The following SCD5 variants were observed in gnomAD, a reference collection of about 807,000 sequenced individuals.
SCD5 encodes acyl-CoA-desaturase 4.
A neutral mutation model predicts 30.4 loss-of-function variants in SCD5; 20 were observed. The observed-to-expected ratio is 0.66, with a 90% CI of 0.46 to 0.96. The LOEUF (loss-of-function observed/expected upper bound fraction) is 0.96. SCD5 is among the 40% of genes least tolerant of loss of function. The probability of loss-of-function intolerance (pLI) is 0.00; values close to 1 mark genes in which losing one functional copy is unlikely to be tolerated. For synonymous variants in SCD5, 173 were observed against 176.4 expected, an observed-to-expected ratio of 0.98 and a Z score of 0.16; for missense variants, 381 against 443.3, an observed-to-expected ratio of 0.86 and a Z score of 1.26.
chr4:82,716,639 C>T (rs1720234553), intron 1 of SCD5, among the ~76,000 whole-genome samples: 2 of 151,678 alleles, frequency 1.3e-5, no homozygotes, highest in African/African-American at 4.9e-5. Flanking sequence ...CATGGTGAAA[C>T]CCTGTCTCTA....
chr4:82,727,360 G>A (rs749495897), intron 1 of SCD5, among the ~76,000 whole-genome samples: 1 of 152,162 alleles, frequency 6.6e-6, no homozygotes, highest in Non-Finnish European at 1.5e-5. Flanking sequence ...GTCTACCCTT[G>A]TGGAGTTAAA....
At chr4:82,667,280 ACACACACG>A (rs997679807) in intron 3 of SCD5, among the ~76,000 whole-genome samples, 11 of 143,984 alleles carry the variant, frequency 7.6e-5, no homozygotes, top group African/African-American at 3.0e-4. Context: ...ACACACACAC[ACACACACG>A]CACGCACGCA....
intron 1 of SCD5, among the ~76,000 whole-genome samples, chr4:82,740,787 A>G (rs1720855831): frequency 6.6e-6 from 1 of 152,180 alleles, no homozygotes; most frequent in African/African-American, 2.4e-5. Flanking sequence ...CAATGTAGAG[A>G]TAACTTTTAA....
intron 1 of SCD5, among the ~76,000 whole-genome samples, chr4:82,784,740 C>T (rs999464384): frequency 1.3e-5 from 2 of 152,004 alleles, no homozygotes; most frequent in Non-Finnish European, 2.9e-5. Context: ...GGGATAGAAG[C>T]TGAAGATTAT....
intron 1 of SCD5, among the ~76,000 whole-genome samples, chr4:82,796,738 G>A (rs1344078999): frequency 2.0e-5 from 3 of 152,218 alleles, no homozygotes; most frequent in Non-Finnish European, 2.9e-5. Flanking sequence ...CCCTGCCTCT[G>A]GAAGCAGGGG....
intron 3 of SCD5, among the ~76,000 whole-genome samples, chr4:82,663,616 T>C (rs111276745): frequency 0.024 from 3,598 of 152,300 alleles, 67 homozygotes; most frequent in South Asian, 0.091. Flanking sequence ...CAGCAGGATA[T>C]AAATAACTCC....
At chr4:82,679,465 C>G (rs1028600659) in intron 3 of SCD5, among the ~76,000 whole-genome samples, 1 of 152,114 alleles carries the variant, frequency 6.6e-6, no homozygotes, top group African/African-American at 2.4e-5. Context: ...AGAGAATTCT[C>G]TAGTCTATCA....
intron 2 of SCD5, among the ~76,000 whole-genome samples, chr4:82,686,569 C>A (rs895055147): frequency 1.3e-5 from 2 of 152,128 alleles, no homozygotes; most frequent in African/African-American, 4.8e-5. Context: ...TGGAAAGACC[C>A]TGCATTTCCC....
chr4:82,737,209 G>A (rs754079336), intron 1 of SCD5, among the ~76,000 whole-genome samples: 6 of 152,084 alleles, frequency 3.9e-5, no homozygotes, highest in African/African-American at 4.8e-5. Context: ...CCAGTTTAAC[G>A]GCATTGCATG....
intron 3 of SCD5, among the ~76,000 whole-genome samples, chr4:82,663,379 C>T (rs1728062279): frequency 6.6e-6 from 1 of 152,160 alleles, no homozygotes; most frequent in South Asian, 2.1e-4. Context: ...TCTTTAGGGC[C>T]CCTAACTGGG....
At chr4:82,733,234 C>T (rs1720680221) in intron 1 of SCD5, among the ~76,000 whole-genome samples, 1 of 152,186 alleles carries the variant, frequency 6.6e-6, no homozygotes. Context: ...CCAGCATGCA[C>T]TCCCACACCT....
At chr4:82,660,711 G>T (rs1466606588) in intron 3 of SCD5, 5 of 1,443,334 alleles carry the variant, frequency 3.5e-6, no homozygotes, top group Non-Finnish European at 4.5e-6. Flanking sequence ...CCCCGTAGCT[G>T]CCTCCTTGTG....
chr4:82,701,859 A>G (rs1189623905), intron 2 of SCD5, among the ~76,000 whole-genome samples: 1 of 152,224 alleles, frequency 6.6e-6, no homozygotes, highest in African/African-American at 2.4e-5. Flanking sequence ...AAGCAGATGC[A>G]TGAGCGTGAC....
intron 2 of SCD5, among the ~76,000 whole-genome samples, 168 bp downstream of exon 2, chr4:82,705,115 G>A (rs1463551547): frequency 7.9e-5 from 12 of 152,224 alleles, no homozygotes; most frequent in Non-Finnish European, 1.5e-4. Flanking sequence ...ACATTTTACT[G>A]TATCTAAAAG....
At chr4:82,656,664 A>G (rs1019659794) in intron 3 of SCD5, among the ~76,000 whole-genome samples, 2 of 152,174 alleles carry the variant, frequency 1.3e-5, no homozygotes, top group Non-Finnish European at 2.9e-5. Flanking sequence ...TAGATCCTTG[A>G]GGAATCACCA....
intron 1 of SCD5, among the ~76,000 whole-genome samples, chr4:82,781,740 A>G (rs1225204132): frequency 6.6e-6 from 1 of 152,182 alleles, no homozygotes; most frequent in Non-Finnish European, 1.5e-5. Flanking sequence ...GCCCTTGCAT[A>G]ATAGGATGAT....
In SCD5 at chr4:82,680,955, C is replaced by T. The variant is rs776549150; in HGVS notation, c.364-43G>A. On this transcript the variant is annotated intron_variant, in intron 2 of 4. Coordinates refer to ENST00000319540, the MANE Select transcript of SCD5 (RefSeq NM_001037582.3). ...GCCTGAGTGAAGAGAGGAACCGCAC[C>T]GCCGAGCATCCTCCTGGGAAGCTTC... 4.5e-6 allele frequency: 7 copies of T among 1,566,190 alleles called. No individual in the cohort carries two copies. The South Asian group carries it at 5.5e-5, about 12-fold the overall frequency.
chr4:82,745,362 C>T (rs1186819501), intron 1 of SCD5, among the ~76,000 whole-genome samples: 2 of 152,136 alleles, frequency 1.3e-5, no homozygotes, highest in African/African-American at 2.4e-5. Flanking sequence ...CAGACCTCAG[C>T]GGGAGGCCAA....
chr4:82,657,960 C>G (rs1034430842), intron 3 of SCD5, among the ~76,000 whole-genome samples: 2 of 152,118 alleles, frequency 1.3e-5, no homozygotes, highest in Non-Finnish European at 2.9e-5. Flanking sequence ...CCTGAAACAT[C>G]GCTGAAGTTG....
Sources: gnomAD v4.1 joint callset for allele counts (sites outside exome capture counted in the v4.1 genomes callset) on GRCh38, gnomAD v4.1.1 for gene constraint, MANE v1.5 for transcripts, NCBI Gene and HGNC (gene_info 2026-07-23, HGNC 2026-07-21) for gene names.